Variants in STMN4 observed in about 807,000 individuals in gnomAD.
STMN4 encodes the protein stathmin 4, also known as stathmin-4.
Under a neutral mutation model 29.1 loss-of-function variants are expected in STMN4, and 12 were observed. The ratio of observed to expected loss-of-function variants is 0.41; its 90% CI spans 0.26 to 0.67. STMN4 has a LOEUF of 0.67. Among genes scored for constraint, STMN4 ranks in the 30% least tolerant of loss-of-function variants. STMN4 has a pLI of 0.30. For missense variants in STMN4, 181 were observed against 262.8 expected, an observed-to-expected ratio of 0.69 and a Z score of 2.15; for synonymous variants, 114 against 105.3, an observed-to-expected ratio of 1.08 and a Z score of -0.51.
Position 27,236,378 on chromosome 8 carries a change from G to T in STMN4, c.*468C>A, listed in dbSNP as rs1222928602. The T allele has an allele frequency of 3.3e-5, 5 of 153,066 alleles. No individual in the cohort carries two copies. The highest frequency in any genetic ancestry group is 7.2e-5 in the African/African-American group (3 of 41,470). The allele number at this position is 153,066 out of a possible 1,614,324, so 9.5% of individuals were successfully genotyped here. A position where few individuals can be genotyped will look rare whatever the true frequency, so the allele number is the denominator to read the frequency against. ...CACAGACCTCATCCCACCTGCTGCA[G>T]GGTGGAAGCAACACCACTGGTACTC... is the stretch of plus-strand genomic sequence containing the variant. On this transcript the variant is annotated 3_prime_UTR_variant, in exon 7 of 7. Transcript: ENST00000350889.
chr8:27,244,369 C>G (rs559638317), intron 1 of STMN4, among the ~76,000 whole-genome samples: 23 of 152,278 alleles, frequency 1.5e-4, no homozygotes, highest in African/African-American at 5.5e-4. Flanking sequence ...TTAAGACAAT[C>G]CGGGACACAG....
At chr8:27,239,592 AG>A (rs1286202720) in intron 6 of STMN4, 4 of 1,038,858 alleles carry the variant, frequency 3.9e-6, no homozygotes, top group South Asian at 1.8e-5. Context: ...AGCTCAAGAA[AG>A]CATCTTTCCT....
chr8:27,258,221 T>A lies in STMN4; in HGVS notation c.-79+130A>T, dbSNP rs983525772. The A allele has an allele frequency of 7.9e-5, 12 of 152,228 alleles. 1 individual carries two copies. The highest frequency in any genetic ancestry group is 2.4e-4 in the African/African-American group (10 of 41,438). The allele number at this position is 152,228 out of a possible 1,614,324, so 9.4% of individuals were successfully genotyped here. On this transcript the variant is annotated intron_variant, in intron 1 of 6. Transcript: ENST00000350889. ...CTTTCCCCCAAGATCTGACAAAGTT[T>A]AAATGATTGAGTAGAACCAAAGGTG...
intron 1 of STMN4, among the ~76,000 whole-genome samples, chr8:27,251,675 T>C (rs1801789592): frequency 6.6e-6 from 1 of 152,236 alleles, no homozygotes; most frequent in African/African-American, 2.4e-5. Flanking sequence ...CTTGCTACTT[T>C]ATGCTATTGG....
chr8:27,236,739 C>CCCCCCCAA lies in STMN4; in HGVS notation c.*106_*107insTTGGGGGG. On this transcript the variant is annotated 3_prime_UTR_variant, in exon 7 of 7. Coordinates refer to ENST00000350889, the MANE Select transcript of STMN4 (RefSeq NM_030795.4). ...GGAAACGCCCCTTGGCCACCCCCCT[C>CCCCCCCAA]CCCCCAAACCCCAGTGCTGGGAGCG... 1 of 1,031,928 alleles carries CCCCCCCAA rather than the reference C, an allele frequency of 9.7e-7. No homozygotes were observed. Among genetic ancestry groups the CCCCCCCAA allele is most frequent in the Non-Finnish European group, 1.3e-6 (1 of 744,160 alleles). 63.9% of individuals were successfully genotyped at this position (1,031,928 alleles called of 1,614,324 possible).
chr8:27,241,001 C>T (rs1201780260), intron 5 of STMN4, 53 bp downstream of exon 5: 9 of 1,554,036 alleles, frequency 5.8e-6, no homozygotes, highest in African/African-American at 1.4e-5. Context: ...GTCTTCTCCA[C>T]CTCCCTCCCC....
At chr8:27,241,895 A>G (rs1801486249) in intron 3 of STMN4, 138 bp from the exon 4 acceptor site, 1 of 923,854 alleles carries the variant, frequency 1.1e-6, no homozygotes, top group African/African-American at 1.6e-5. Context: ...GGACGTGGCC[A>G]CCCAGTGCTC....
intron 3 of STMN4, 119 bp from the exon 4 acceptor site, chr8:27,241,876 C>A: frequency 8.1e-7 from 1 of 1,228,564 alleles, no homozygotes. Context: ...CCCCGAGCAC[C>A]CCTGGTGAGG....
At chr8:27,237,011 C>G in intron 6 of STMN4, 106 bp from the exon 7 acceptor site, 1 of 1,230,018 alleles carries the variant, frequency 8.1e-7, no homozygotes, top group Non-Finnish European at 1.1e-6. Context: ...CCACCACAGG[C>G]AGCGAAGAGC....
At chr8:27,254,431 T>A (rs12545925) in intron 1 of STMN4, among the ~76,000 whole-genome samples, 44,803 of 152,038 alleles carry the variant, frequency 0.29, 7,443 homozygotes, top group East Asian at 0.42. Context: ...AATCAGGCCA[T>A]CCAGCCCCAG....
intron 1 of STMN4, among the ~76,000 whole-genome samples, chr8:27,249,325 G>A (rs550063793): frequency 3.9e-5 from 6 of 152,304 alleles, no homozygotes; most frequent in South Asian, 2.1e-4. Context: ...CATGGTTCTC[G>A]ACTCAGTGCA....
chr8:27,241,953 G>A (rs992070336), intron 3 of STMN4, among the ~76,000 whole-genome samples, 196 bp from the exon 4 acceptor site: 15 of 152,330 alleles, frequency 9.8e-5, no homozygotes, highest in Non-Finnish European at 1.9e-4. Context: ...CACACAGCAT[G>A]GCTGCCACAG....
chr8:27,247,416 G>A (rs61709774), intron 1 of STMN4, among the ~76,000 whole-genome samples: 3,738 of 152,308 alleles, frequency 0.025, 161 homozygotes, highest in African/African-American at 0.082. Context: ...ATAAAAAGGT[G>A]GGAAGCAGAG....
At chr8:27,254,545 G>A (rs932681187) in intron 1 of STMN4, among the ~76,000 whole-genome samples, 1 of 152,148 alleles carries the variant, frequency 6.6e-6, no homozygotes, top group African/African-American at 2.4e-5. Flanking sequence ...TTTAATTGAT[G>A]GAAAGGCCAG....
rs1801301756 is a variant in STMN4, at chr8:27,235,986, A to G, written c.*860T>C. The G allele has an allele frequency of 6.6e-6, 1 of 152,238 alleles. No individual in the cohort carries two copies. The highest frequency in any genetic ancestry group is 2.1e-4 in the South Asian group (1 of 4,830). 9.4% of individuals were successfully genotyped at this position (152,238 alleles called of 1,614,324 possible). ...GTGACTAAGACAAATTCCTTCTTAC[A>G]GTGCATCTTGGGGACCATATTAGGA... On this transcript the variant is annotated 3_prime_UTR_variant, in exon 7 of 7. Coordinates refer to ENST00000350889, the MANE Select transcript of STMN4 (RefSeq NM_030795.4).
At chr8:27,242,621 A>G (rs1801509928) in intron 2 of STMN4, 129 bp from the exon 3 acceptor site, 4 of 838,418 alleles carry the variant, frequency 4.8e-6, no homozygotes, top group Non-Finnish European at 7.6e-6. Flanking sequence ...GCACACGCCA[A>G]GCCTGGGGAT....
At chr8:27,254,098 A>C (rs952661219) in intron 1 of STMN4, among the ~76,000 whole-genome samples, 7 of 152,182 alleles carry the variant, frequency 4.6e-5, no homozygotes, top group African/African-American at 1.7e-4. Context: ...TATGTTTCTT[A>C]AGTCCTTACA....
chr8:27,245,318 T>G (rs910762979), intron 1 of STMN4, among the ~76,000 whole-genome samples: 1 of 152,218 alleles, frequency 6.6e-6, no homozygotes, highest in Non-Finnish European at 1.5e-5. Flanking sequence ...GACCCACAAG[T>G]AAGGACTGTT....
intron 1 of STMN4, among the ~76,000 whole-genome samples, chr8:27,249,280 A>G (rs767657299): frequency 3.3e-5 from 5 of 152,156 alleles, no homozygotes; most frequent in Non-Finnish European, 7.3e-5. Flanking sequence ...GAACATTTGA[A>G]TGTCAGAGAT....
Sources: gnomAD v4.1 joint callset for allele counts (sites outside exome capture counted in the v4.1 genomes callset) on GRCh38, gnomAD v4.1.1 for gene constraint, MANE v1.5 for transcripts, NCBI Gene and HGNC (gene_info 2026-07-23, HGNC 2026-07-21) for gene names.